The following CDKN2B-AS1 variants were observed in gnomAD, a reference collection of about 807,000 sequenced individuals.
CDKN2B-AS1 encodes CDKN2B and CDKN2A antisense cis and trans regulatory RNA 1.
chr9:22,111,178 A>G (rs891037083), intron 4 of CDKN2B-AS1, among the ~76,000 whole-genome samples: 1 of 152,056 alleles, frequency 6.6e-6, no homozygotes, highest in Non-Finnish European at 1.5e-5. Flanking sequence ...GTGTATATGT[A>G]TGTATCTGTC....
chr9:22,002,922 T>G (rs1820984448), intron 1 of CDKN2B-AS1: 1 of 187,164 alleles, frequency 5.3e-6, no homozygotes, highest in African/African-American at 2.3e-5. Context: ...ATTTATAAAT[T>G]TATTTAACTT....
At chr9:22,056,234 A>ATATATTTTT (rs777560826) in intron 3 of CDKN2B-AS1, 1 of 98,308 alleles carries the variant, frequency 1.0e-5, no homozygotes, top group East Asian at 3.3e-4. Flanking sequence ...ATATATATAT[A>ATATATTTTT]TTTTTTTTTT....
intron 4 of CDKN2B-AS1, among the ~76,000 whole-genome samples, chr9:22,073,218 A>C (rs1824366978): frequency 1.3e-5 from 2 of 152,206 alleles, no homozygotes; most frequent in Non-Finnish European, 2.9e-5. Context: ...TATACTCTTG[A>C]AAATAGATGG....
At chr9:22,090,496 C>A (rs1825039659) in intron 4 of CDKN2B-AS1, among the ~76,000 whole-genome samples, 1 of 152,148 alleles carries the variant, frequency 6.6e-6, no homozygotes, top group Non-Finnish European at 1.5e-5. Context: ...CCTGTTGTTT[C>A]TTGACTTTTT....
intron 4 of CDKN2B-AS1, chr9:22,113,824 G>A (rs1231920172): frequency 1.3e-5 from 2 of 152,150 alleles, no homozygotes; most frequent in Non-Finnish European, 2.9e-5. Flanking sequence ...TATAATAAAT[G>A]TGTTCCTATT....
intron 4 of CDKN2B-AS1, among the ~76,000 whole-genome samples, chr9:22,090,479 T>C (rs1348465496): frequency 6.6e-6 from 1 of 152,192 alleles, no homozygotes; most frequent in East Asian, 1.9e-4. Flanking sequence ...CCACATCCTC[T>C]CCAGCACCTG....
At chr9:22,081,253 T>C (rs1280332727) in intron 4 of CDKN2B-AS1, among the ~76,000 whole-genome samples, 2 of 151,412 alleles carry the variant, frequency 1.3e-5, no homozygotes, top group South Asian at 4.2e-4. Flanking sequence ...ATTCCCATGT[T>C]ATCAGATATT....
intron 1 of CDKN2B-AS1, among the ~76,000 whole-genome samples, chr9:22,038,577 T>C (rs969677409): frequency 6.6e-6 from 1 of 152,136 alleles, no homozygotes; most frequent in Admixed American, 6.5e-5. Flanking sequence ...CTTTGAGCTC[T>C]TGCACTATAA....
chr9:22,082,202 T>A (rs1824723389), intron 4 of CDKN2B-AS1, among the ~76,000 whole-genome samples: 1 of 152,224 alleles, frequency 6.6e-6, no homozygotes, highest in Non-Finnish European at 1.5e-5. Context: ...GTTGGTCTGG[T>A]TGTACTTTTC....
intron 1 of CDKN2B-AS1, chr9:22,009,345 C>A (rs1432371412): frequency 5.1e-6 from 2 of 389,382 alleles, no homozygotes; most frequent in Middle Eastern, 7.0e-4. Flanking sequence ...TCAGCTGGGC[C>A]AAGGGGCCGG....
chr9:22,058,820 C>T (rs56272822), intron 4 of CDKN2B-AS1: 5,431 of 186,206 alleles, frequency 0.029, 233 homozygotes, highest in African/African-American at 0.097. Context: ...CTTACAGTTC[C>T]GCATGGCTGA....
At chr9:22,076,158 A>T (rs560438818) in intron 4 of CDKN2B-AS1, among the ~76,000 whole-genome samples, 1 of 152,164 alleles carries the variant, frequency 6.6e-6, no homozygotes, top group Admixed American at 6.5e-5. Context: ...GGTTCAAGCA[A>T]TTCTCCTGTC....
At chr9:22,061,619 T>A (rs1823823517) in intron 4 of CDKN2B-AS1, among the ~76,000 whole-genome samples, 1 of 152,156 alleles carries the variant, frequency 6.6e-6, no homozygotes, top group South Asian at 2.1e-4. Context: ...AGTGCTATGT[T>A]TAAAAGAGTA....
intron 4 of CDKN2B-AS1, among the ~76,000 whole-genome samples, chr9:22,104,839 T>C (rs1312969412): frequency 6.6e-6 from 1 of 152,200 alleles, no homozygotes; most frequent in Non-Finnish European, 1.5e-5. Flanking sequence ...TGCAATATAA[T>C]AGTGCTCTAA....
In CDKN2B-AS1 at chr9:22,005,989, A is replaced by G. The variant is rs1455548497; in HGVS notation, n.29+10828A>G. 2 of 1,602,004 alleles carry G rather than the reference A, an allele frequency of 1.2e-6. No homozygotes were observed. Among genetic ancestry groups the G allele is most frequent in the Non-Finnish European group, 1.7e-6 (2 of 1,179,806 alleles). On this transcript the variant is annotated intron_variant and non_coding_transcript_variant, in intron 1 of 4. Transcript: ENST00000650946. This position sits in a 1 kb window ranked among gnomAD's most constrained non-coding sequence, Gnocchi z 4.9. The stretch of plus-strand genomic sequence containing the variant: ...GTGGGCGGCTGGGGAACCTGGCGTC[A>G]GTCCCCCGTGGCTGTGCGCAGGTAC...
At chr9:22,075,376 GA>G (rs1824455443) in intron 4 of CDKN2B-AS1, among the ~76,000 whole-genome samples, 1 of 149,812 alleles carries the variant, frequency 6.7e-6, no homozygotes, top group African/African-American at 2.5e-5. Context: ...TGATGAATAT[GA>G]AAGAAAGAGT....
At chr9:22,098,332 T>C (rs1825360219) in intron 4 of CDKN2B-AS1, among the ~76,000 whole-genome samples, 1 of 151,716 alleles carries the variant, frequency 6.6e-6, no homozygotes, top group Non-Finnish European at 1.5e-5. Flanking sequence ...TATCTTTATA[T>C]GTTAGCATTT....
chr9:22,120,606 GT>G (rs889037805), intron 4 of CDKN2B-AS1: 1 of 151,836 alleles, frequency 6.6e-6, no homozygotes, highest in African/African-American at 2.4e-5. Context: ...TCTACTAATG[GT>G]TTTTTTAAAA....
intron 3 of CDKN2B-AS1, among the ~76,000 whole-genome samples, chr9:22,055,204 A>G (rs1158955407): frequency 2.0e-5 from 3 of 152,224 alleles, no homozygotes; most frequent in Non-Finnish European, 4.4e-5. Context: ...TGATATATGT[A>G]TACATTGTGA....
Sources: allele counts gnomAD v4.1 joint callset (sites outside exome capture counted in the v4.1 genomes callset), GRCh38; gene constraint gnomAD v4.1.1; non-coding constraint Gnocchi (gnomAD v3.1); transcripts MANE v1.5; gene names NCBI Gene and HGNC (gene_info 2026-07-23, HGNC 2026-07-21).